Variants in ANKFN1 observed in about 807,000 individuals in gnomAD.
ANKFN1 encodes the protein ankyrin repeat and fibronectin type-III domain-containing protein 1.
Under a neutral mutation model 108.7 loss-of-function variants are expected in ANKFN1, and 74 were observed. The ratio of observed to expected loss-of-function variants is 0.68; its 90% CI spans 0.56 to 0.83. The LOEUF is 0.83. Among genes scored for constraint, ANKFN1 ranks in the 40% least tolerant of loss-of-function variants. The pLI is 0.00. For missense variants in ANKFN1, 1,505 were observed against 1,382.3 expected (o/e 1.09, Z -1.41); for synonymous variants, 547 against 516.2 (o/e 1.06, Z -0.81).
intron 6 of ANKFN1, among the ~76,000 whole-genome samples, chr17:56,356,619 T>A (rs141803829): frequency 2.6e-5 from 4 of 152,354 alleles, no homozygotes; most frequent in African/African-American, 9.6e-5. Context: ...AAGAGCTCTA[T>A]AGTCAAAGTG....
chr17:56,346,862 G>A (rs1166824504), intron 4 of ANKFN1, among the ~76,000 whole-genome samples: 1 of 151,462 alleles, frequency 6.6e-6, no homozygotes, highest in Non-Finnish European at 1.5e-5. Context: ...AATATATTGT[G>A]CACACAGATA....
chr17:56,418,249 G>A (rs2048299100), intron 8 of ANKFN1, among the ~76,000 whole-genome samples: 1 of 152,150 alleles, frequency 6.6e-6, no homozygotes, highest in Non-Finnish European at 1.5e-5. Flanking sequence ...ATTAACAAAG[G>A]CGAAGGATGT....
intron 3 of ANKFN1, among the ~76,000 whole-genome samples, chr17:56,299,343 G>C (rs1398970265): frequency 1.3e-5 from 2 of 152,000 alleles, no homozygotes. Flanking sequence ...CCCACCCTTG[G>C]ATAGTCTCCC....
chr17:56,091,594 T>C (rs1027794893), intron 4 of ANKFN1, among the ~76,000 whole-genome samples: 1 of 151,434 alleles, frequency 6.6e-6, no homozygotes, highest in Admixed American at 6.6e-5. Context: ...TATCAAGAAA[T>C]GTTTTTCTCT....
rs757240247 is a variant in ANKFN1 at position 56,482,339 on chromosome 17, C to T, written c.2092-17C>T. ...TTGTAACTCTCCTATTTTTCCTCCG[C>T]GCGTGTCCCTCTGCAGGCAAGGAAC... On this transcript the variant is annotated splice_polypyrimidine_tract_variant and intron_variant, in intron 17 of 20. Coordinates refer to ENST00000682825, the MANE Select transcript of ANKFN1 (RefSeq NM_001370326.1). 4.4e-6 allele frequency: 7 copies of T among 1,576,250 alleles called. No individual in the cohort carries two copies. Among genetic ancestry groups the T allele is most frequent in the South Asian group, 1.2e-5 (1 of 84,164 alleles).
At chr17:56,319,418 G>A (rs946855570) in intron 3 of ANKFN1, among the ~76,000 whole-genome samples, 1 of 152,102 alleles carries the variant, frequency 6.6e-6, no homozygotes, top group Admixed American at 6.6e-5. Context: ...AAGTAAACCA[G>A]GGCACAAAAA....
intron 8 of ANKFN1, among the ~76,000 whole-genome samples, chr17:56,415,687 C>T (rs977235926): frequency 9.9e-5 from 15 of 152,098 alleles, no homozygotes; most frequent in African/African-American, 3.6e-4. Flanking sequence ...ATACCAATGA[C>T]ATTCTTCATA....
intron 15 of ANKFN1, among the ~76,000 whole-genome samples, chr17:56,477,257 G>A (rs566252281): frequency 2.8e-4 from 42 of 152,142 alleles, no homozygotes; most frequent in African/African-American, 1.0e-3. Context: ...AGGCAAATAA[G>A]CATATAGAAT....
chr17:56,293,570 T>TA (rs1365204636), intron 3 of ANKFN1, among the ~76,000 whole-genome samples: 1 of 152,126 alleles, frequency 6.6e-6, no homozygotes, highest in East Asian at 1.9e-4. Flanking sequence ...AGTGAACCTT[T>TA]AAGTGTTGGT....
chr17:56,383,442 A>T (rs1003953948), intron 8 of ANKFN1, among the ~76,000 whole-genome samples: 1 of 152,186 alleles, frequency 6.6e-6, no homozygotes, highest in African/African-American at 2.4e-5. Flanking sequence ...GAGCAAACAC[A>T]TTCAAAAGCT....
intron 3 of ANKFN1, among the ~76,000 whole-genome samples, chr17:56,273,290 G>T (rs2043837892): frequency 1.3e-5 from 2 of 151,630 alleles, no homozygotes; most frequent in African/African-American, 4.8e-5. Context: ...TTATTTAATG[G>T]GTATACTATA....
intron 1 of ANKFN1, among the ~76,000 whole-genome samples, chr17:56,170,843 C>CACACACACACAT (rs1555604591): frequency 7.5e-6 from 1 of 133,908 alleles, no homozygotes; most frequent in Non-Finnish European, 1.6e-5. Context: ...CATATACACA[C>CACACACACACAT]ATATATATAT....
upstream of ANKFN1, among the ~76,000 whole-genome samples, chr17:56,151,886 C>G (rs1908644214): frequency 6.6e-6 from 1 of 152,164 alleles, no homozygotes; most frequent in South Asian, 2.1e-4. Context: ...CTTAATGCAG[C>G]TGACACTCAA....
intron 8 of ANKFN1, among the ~76,000 whole-genome samples, chr17:56,422,799 A>C (rs1427444695): frequency 1.3e-5 from 2 of 152,258 alleles, no homozygotes; most frequent in Non-Finnish European, 2.9e-5. Flanking sequence ...CCACTAAAAA[A>C]AATGGAGGAA....
chr17:56,125,198 C>A (rs1906851429), intron 4 of ANKFN1, among the ~76,000 whole-genome samples: 1 of 152,222 alleles, frequency 6.6e-6, no homozygotes, highest in South Asian at 2.1e-4. Context: ...TCACTATGGG[C>A]AGCCTGAGCT....
rs1481984401 is a variant in ANKFN1 at position 56,516,314 on chromosome 17, A to G, written c.*5045A>G. Among the ~76,000 whole-genome samples, 1 of 152,044 alleles carries G rather than the reference A, an allele frequency of 6.6e-6. No homozygotes were observed. The highest frequency in any genetic ancestry group is 1.9e-4 in the East Asian group (1 of 5,190). ...TGGTGGTGTCAGAGAGATGTTTCAT[A>G]GAAAAAGTAATTTAAGTGACATTCT... is the stretch of plus-strand genomic sequence containing the variant. On this transcript the variant is annotated 3_prime_UTR_variant, in exon 21 of 21. Transcript: ENST00000682825.
At chr17:56,379,401 GA>G (rs760606804) in intron 8 of ANKFN1, among the ~76,000 whole-genome samples, 1,756 of 90,530 alleles carry the variant, frequency 0.019, 31 homozygotes, top group African/African-American at 0.058. Context: ...TCCATCTCAA[GA>G]AAAAAAAAAA....
At chr17:56,452,688 A>G (rs1445149614) in intron 11 of ANKFN1, among the ~76,000 whole-genome samples, 1 of 152,234 alleles carries the variant, frequency 6.6e-6, no homozygotes, top group East Asian at 1.9e-4. Flanking sequence ...CCATGTGACC[A>G]GACCTAGAAT....
chr17:56,055,867 C>T (rs1052660673), intron 4 of ANKFN1, among the ~76,000 whole-genome samples: 17 of 151,706 alleles, frequency 1.1e-4, no homozygotes, highest in African/African-American at 3.9e-4. Context: ...TCCCTTTTCT[C>T]CATATCCACA....
Sources: gnomAD v4.1 joint callset for allele counts (sites outside exome capture counted in the v4.1 genomes callset) on GRCh38, gnomAD v4.1.1 for gene constraint, MANE v1.5 for transcripts, NCBI Gene and HGNC (gene_info 2026-07-23, HGNC 2026-07-21) for gene names.